NPAS3: variants seen among roughly 807,000 people sequenced by gnomAD.
The protein encoded by NPAS3 is neuronal PAS domain-containing protein 3.
Under a neutral mutation model 73.1 loss-of-function variants are expected in NPAS3, and 14 were observed. That is an observed-to-expected ratio of 0.19 (90% CI 0.13 to 0.30). NPAS3 has a LOEUF of 0.30. Among genes scored for constraint, NPAS3 ranks in the 10% least tolerant of loss-of-function variants. The pLI is 1.00. For missense variants in NPAS3, 1,096 were observed against 1,250.0 expected, an observed-to-expected ratio of 0.88 and a Z score of 1.86; for synonymous variants, 620 against 541.5, an observed-to-expected ratio of 1.14 and a Z score of -2.01.
chr14:33,485,223 G>A (rs978791826), intron 4 of NPAS3, among the ~76,000 whole-genome samples: 8 of 152,044 alleles, frequency 5.3e-5, no homozygotes, highest in East Asian at 1.9e-4. Context: ...AAAGTCTGCC[G>A]CATCCCAAAT....
At chr14:33,466,023 G>T (rs2050506417) in intron 4 of NPAS3, among the ~76,000 whole-genome samples, 1 of 152,222 alleles carries the variant, frequency 6.6e-6, no homozygotes, top group South Asian at 2.1e-4. Flanking sequence ...ACACATAGCA[G>T]ATGGGGAGGC....
At chr14:33,044,097 T>C (rs556884965) in intron 1 of NPAS3, among the ~76,000 whole-genome samples, 2 of 152,326 alleles carry the variant, frequency 1.3e-5, no homozygotes, top group Admixed American at 1.3e-4. Context: ...CAGATAGAGG[T>C]AAAGCTATTA....
chr14:32,976,761 G>A (rs941440431), intron 1 of NPAS3, among the ~76,000 whole-genome samples: 3 of 152,164 alleles, frequency 2.0e-5, no homozygotes, highest in Non-Finnish European at 4.4e-5. Flanking sequence ...GCAAGTAGAA[G>A]TATCTGTGTG....
At chr14:33,518,544 A>G (rs1015726241) in intron 4 of NPAS3, among the ~76,000 whole-genome samples, 1 of 151,338 alleles carries the variant, frequency 6.6e-6, no homozygotes, top group Non-Finnish European at 1.5e-5. Flanking sequence ...ACTCTGCAAT[A>G]TATCTGTTCT....
chr14:33,544,788 T>TTATATATATATATATATACATA (rs1555409896), intron 4 of NPAS3, among the ~76,000 whole-genome samples: 2 of 63,256 alleles, frequency 3.2e-5, no homozygotes, highest in African/African-American at 1.7e-4. Context: ...TGTGTGTGTA[T>TTATATATATATATATATACATA]TATATATATA....
chr14:33,633,161 C>T (rs1318203428), intron 5 of NPAS3, among the ~76,000 whole-genome samples: 1 of 152,116 alleles, frequency 6.6e-6, no homozygotes, highest in East Asian at 1.9e-4. Flanking sequence ...AGGTTATATG[C>T]ATATACCATG....
chr14:33,705,609 T>C (rs1401371487), intron 6 of NPAS3, among the ~76,000 whole-genome samples: 1 of 152,164 alleles, frequency 6.6e-6, no homozygotes, highest in Admixed American at 6.5e-5. Context: ...AGAAGCTATG[T>C]AGAAAAAAAG....
At chr14:32,955,265 A>G (rs1213752082) in intron 1 of NPAS3, among the ~76,000 whole-genome samples, 1 of 152,148 alleles carries the variant, frequency 6.6e-6, no homozygotes, top group East Asian at 1.9e-4. Context: ...TATATAATTT[A>G]ATGCAAATTA....
At chr14:33,765,185 A>G (rs150475340) in intron 7 of NPAS3, among the ~76,000 whole-genome samples, 4 of 152,224 alleles carry the variant, frequency 2.6e-5, no homozygotes, top group African/African-American at 7.2e-5. Context: ...ATGGGAAATA[A>G]TTGTTGTTTG....
chr14:33,162,892 C>T (rs532679553), intron 2 of NPAS3, among the ~76,000 whole-genome samples: 4 of 152,278 alleles, frequency 2.6e-5, no homozygotes, highest in Non-Finnish European at 5.9e-5. Context: ...AATTGAGCAT[C>T]GGTAGACTTT....
intron 3 of NPAS3, among the ~76,000 whole-genome samples, chr14:33,293,664 G>C (rs908785053): frequency 4.6e-5 from 7 of 152,152 alleles, no homozygotes; most frequent in Admixed American, 1.3e-4. Context: ...ACTTGAAAAG[G>C]GTGGAGGAAA....
At chr14:33,570,436 A>G (rs779943522) in intron 5 of NPAS3, among the ~76,000 whole-genome samples, 2 of 152,206 alleles carry the variant, frequency 1.3e-5, no homozygotes, top group Non-Finnish European at 2.9e-5. Flanking sequence ...AAGTCTACAC[A>G]TCCCTGAGGA....
At chr14:33,290,006 G>C (rs1231368919) in intron 3 of NPAS3, among the ~76,000 whole-genome samples, 1 of 152,134 alleles carries the variant, frequency 6.6e-6, no homozygotes, top group Non-Finnish European at 1.5e-5. Flanking sequence ...TTTTAGGGAG[G>C]TGGAGTTAGA....
At chr14:33,125,183 G>T (rs1172329609) in intron 2 of NPAS3, among the ~76,000 whole-genome samples, 1 of 151,988 alleles carries the variant, frequency 6.6e-6, no homozygotes, top group Non-Finnish European at 1.5e-5. Context: ...ATTATTTAAT[G>T]AATTCATGAA....
chr14:33,726,897 C>T (rs889811163), intron 6 of NPAS3, among the ~76,000 whole-genome samples: 2 of 152,138 alleles, frequency 1.3e-5, no homozygotes, highest in Admixed American at 1.3e-4. Flanking sequence ...ACGCTCAGTC[C>T]ACATGCCTGC....
intron 4 of NPAS3, among the ~76,000 whole-genome samples, chr14:33,423,333 C>T (rs985902705): frequency 6.6e-6 from 1 of 151,924 alleles, no homozygotes; most frequent in African/African-American, 2.4e-5. Flanking sequence ...AATTTATGTA[C>T]TCTCAGTACA....
chr14:33,723,720 AAAAAAAAAGAAAAGAAAAG>A (rs2061181392), intron 6 of NPAS3, among the ~76,000 whole-genome samples: 1 of 151,652 alleles, frequency 6.6e-6, no homozygotes, highest in Non-Finnish European at 1.5e-5. Flanking sequence ...CTCTCAAAAA[AAAAAAAAAGAAAAGAAAAG>A]AAAAAAGAAA....
At chr14:32,953,936 A>G (rs2036580172) in intron 1 of NPAS3, among the ~76,000 whole-genome samples, 1 of 152,160 alleles carries the variant, frequency 6.6e-6, no homozygotes, top group Non-Finnish European at 1.5e-5. Context: ...GCCTTAACAA[A>G]GGACAGTTAA....
chr14:33,120,424 T>C (rs1045862652), intron 2 of NPAS3, among the ~76,000 whole-genome samples: 6 of 152,166 alleles, frequency 3.9e-5, no homozygotes, highest in Non-Finnish European at 8.8e-5. Context: ...GAGGTGACCA[T>C]AGTCTGTTCT....
Sources: gnomAD v4.1 joint callset for allele counts (sites outside exome capture counted in the v4.1 genomes callset) on GRCh38, gnomAD v4.1.1 for gene constraint, MANE v1.5 for transcripts, NCBI Gene and HGNC (gene_info 2026-07-23, HGNC 2026-07-21) for gene names.